Variants in HNRNPDL observed in about 807,000 individuals in gnomAD.
HNRNPDL encodes heterogeneous nuclear ribonucleoprotein D like, also known as heterogeneous nuclear ribonucleoprotein D-like.
HNRNPDL carries 18 observed loss-of-function variants against 48.0 expected under a neutral mutation model. That is an observed-to-expected ratio of 0.38 (90% CI 0.26 to 0.56). The LOEUF is 0.56. Among genes scored for constraint, HNRNPDL ranks in the 20% least tolerant of loss-of-function variants. The pLI is 0.77. For synonymous variants in HNRNPDL, 306 were observed against 207.3 expected (o/e 1.48, Z -4.09); for missense variants, 553 against 540.7 (o/e 1.02, Z -0.23).
chr4:82,429,247 C>T lies in HNRNPDL; in HGVS notation c.443+1G>A. 6.2e-7 allele frequency: 1 copy of T among 1,612,930 alleles called. No homozygotes were observed. Among genetic ancestry groups the T allele is most frequent in the Non-Finnish European group, 8.5e-7 (1 of 1,179,622 alleles). On this transcript the variant is annotated splice_donor_variant, in intron 1 of 7. Coordinates refer to ENST00000295470, the MANE Select transcript of HNRNPDL (RefSeq NM_031372.4). LOFTEE classifies it high-confidence loss of function. Reference sequence around the variant, plus strand: ...GGAGCGGGGGAAGAAGCGTGCGGTACCCGTCATCCTGCTGATTCTTGCTCG... The same window carrying T: ...GGAGCGGGGGAAGAAGCGTGCGGTATCCGTCATCCTGCTGATTCTTGCTCG...
chr4:82,423,796 T>TAA lies in HNRNPDL; in HGVS notation c.*1109_*1110insTT, dbSNP rs1217777068. The stretch of plus-strand genomic sequence containing the variant: ...TGACTCAGTCACATTTGTAATGACT[T>TAA]AGTCACATTTGTAATGACTTTGTCA... On this transcript the variant is annotated 3_prime_UTR_variant, in exon 8 of 8. Coordinates refer to ENST00000295470, the MANE Select transcript of HNRNPDL (RefSeq NM_031372.4). 3 of 140,294 alleles carry TAA rather than the reference T, an allele frequency of 2.1e-5. No individual in the cohort carries two copies. The highest frequency in any genetic ancestry group is 4.8e-5 in the Non-Finnish European group (3 of 62,416). The allele number at this position is 140,294 out of a possible 1,614,324, so 8.7% of individuals were successfully genotyped here.
intron 1 of HNRNPDL, 122 bp downstream of exon 1, chr4:82,429,126 G>A (rs1268912338): frequency 3.7e-5 from 33 of 885,184 alleles, no homozygotes; most frequent in African/African-American, 8.2e-5. Flanking sequence ...ATCTAGTGGG[G>A]CCCAGAAGGC....
At position 82,429,430 on chromosome 4, in the gene HNRNPDL, G is replaced by C; in HGVS notation, c.261C>G (p.Arg87=). 1.2e-6 allele frequency: 2 copies of C among 1,612,356 alleles called. No individual in the cohort carries two copies. Among genetic ancestry groups the C allele is most frequent in the East Asian group, 2.2e-5 (1 of 44,670 alleles). ...GGRRRRPDLF[R]RHFKSSSIQR... ...GTATGGAGCTGGATTTAAAATGGCG[G>C]CGGAAGAGATCCGGGCGCCGCCTGC... Residue 87 remains arginine (R), a synonymous_variant, in exon 1 of 8, where the codon CGC becomes CGG. Transcript: ENST00000295470.
Position 82,423,260 on chromosome 4 carries a change from A to G in HNRNPDL, c.*1646T>C, listed in dbSNP as rs1721263666. ...TTGATCAGGGAAAAGGACAATCTCAATGTCAACTCGTCACCTAATCATAAA... is the reference window on the plus strand; with the variant it reads ...TTGATCAGGGAAAAGGACAATCTCAGTGTCAACTCGTCACCTAATCATAAA... On this transcript the variant is annotated 3_prime_UTR_variant, in exon 8 of 8. Coordinates refer to ENST00000295470, the MANE Select transcript of HNRNPDL (RefSeq NM_031372.4). 6.6e-6 allele frequency: 1 copy of G among 152,312 alleles called. No homozygotes were observed. The highest frequency in any genetic ancestry group is 2.1e-4 in the South Asian group (1 of 4,822). The allele number at this position is 152,312 out of a possible 1,614,324, so 9.4% of individuals were successfully genotyped here.
intron 1 of HNRNPDL, 136 bp from the exon 2 acceptor site, chr4:82,428,582 CTA>C (rs1721518501): frequency 1.1e-5 from 8 of 717,038 alleles, no homozygotes; most frequent in Non-Finnish European, 1.3e-5. Context: ...TACATTTAAT[CTA>C]TGTCACACAA....
chr4:82,429,478 G>A lies in HNRNPDL; in HGVS notation c.213C>T (p.Gly71=). ...TGCGCCCTCCCTTTATAGCCGCCCCGCCCGCCAATCGGGAGGGCTGCTGGG... is the reference window on the plus strand; with the variant it reads ...TGCGCCCTCCCTTTATAGCCGCCCCACCCGCCAATCGGGAGGGCTGCTGGG... The part of the protein sequence containing the change: ...VTAQQPSRLA[G]GAAIKGGRRR... Residue 71 remains glycine, a synonymous_variant, in exon 1 of 8, where the codon GGC becomes GGT. Transcript: ENST00000295470. 6.3e-7 allele frequency: 1 copy of A among 1,576,850 alleles called. No homozygotes were observed. Among genetic ancestry groups the A allele is most frequent in the Non-Finnish European group, 8.6e-7 (1 of 1,161,522 alleles).
Position 82,428,371 on chromosome 4 carries a change from T to C in HNRNPDL, c.519A>G (p.Glu173=). The C allele has an allele frequency of 6.2e-7, 1 of 1,613,778 alleles. No homozygotes were observed. ...DLTEYLSRFG[E]VVDCTIKTDP... ...CTGTTTTAATTGTGCAGTCTACAACTTCCCCAAATCGAGACAAGTACTCTG... is the reference window on the plus strand; with the variant it reads ...CTGTTTTAATTGTGCAGTCTACAACCTCCCCAAATCGAGACAAGTACTCTG... The change falls in exon 2 of 8, where the codon GAA becomes GAG. Residue 173 remains glutamate (E), a synonymous_variant. Transcript: ENST00000295470.
chr4:82,425,837 C>T (rs1721384233), intron 7 of HNRNPDL, 200 bp downstream of exon 7: 1 of 510,936 alleles, frequency 2.0e-6, no homozygotes, highest in Non-Finnish European at 3.5e-6. Context: ...AGTTTTTCTG[C>T]AATACTAAAG....
At chr4:82,425,886 A>C (rs1203220741) in intron 7 of HNRNPDL, 151 bp downstream of exon 7, 6 of 591,062 alleles carry the variant, frequency 1.0e-5, no homozygotes, top group Non-Finnish European at 1.8e-5. Flanking sequence ...ATCTATAGAC[A>C]CTTTAGGCAA....
chr4:82,429,400 G>C lies in HNRNPDL; in HGVS notation c.291C>G (p.Arg97=). ...GGGTCGCGGCAGCAGCGGCGGCGGA[G>C]CGTTGTATGGAGCTGGATTTAAAAT... The part of the protein sequence containing the change: ...RRHFKSSSIQ[R]SAAAAAATRT... Residue 97 remains arginine (R), a synonymous_variant, in exon 1 of 8, where the codon CGC becomes CGG. Coordinates refer to ENST00000295470, the MANE Select transcript of HNRNPDL (RefSeq NM_031372.4). The C allele has an allele frequency of 6.2e-7, 1 of 1,613,424 alleles. No individual in the cohort carries two copies. The highest frequency in any genetic ancestry group is 8.5e-7 in the Non-Finnish European group (1 of 1,179,810).
At position 82,429,434 on chromosome 4, in the gene HNRNPDL, AAG is replaced by A. The variant is rs2110031374; in HGVS notation, c.255_256del (p.Phe86ProfsTer5). 3.7e-6 allele frequency: 6 copies of A among 1,611,540 alleles called. No homozygotes were observed. The highest frequency in any genetic ancestry group is 5.1e-6 in the Non-Finnish European group (6 of 1,179,162). ...GGAGCTGGATTTAAAATGGCGGCGG[AAG>A]AGATCCGGGCGCCGCCTGCGCCCTC... On this transcript the variant is annotated frameshift_variant, in exon 1 of 8. Coordinates refer to ENST00000295470, the MANE Select transcript of HNRNPDL (RefSeq NM_031372.4). LOFTEE classifies it high-confidence loss of function.
intron 7 of HNRNPDL, 111 bp downstream of exon 7, chr4:82,425,923 TCAA>T: frequency 1.4e-6 from 1 of 694,992 alleles, no homozygotes; most frequent in South Asian, 1.9e-5. Flanking sequence ...AATTAAAAAA[TCAA>T]CAATTTAGTA....
chr4:82,428,280 T>C lies in HNRNPDL; in HGVS notation c.610A>G (p.Lys204Glu). 6.2e-7 allele frequency: 1 copy of C among 1,611,960 alleles called. No homozygotes were observed. The highest frequency in any genetic ancestry group is 8.5e-7 in the Non-Finnish European group (1 of 1,178,472). ...ACAATGCAAAACATAGTTCCTACCT[T>C]ATCAACACTAGCAGCATCTTTGAAA... ...VLFKDAASVDKVLELKEHKLD... is the reference protein window; with the variant it reads ...VLFKDAASVDEVLELKEHKLD... The change falls in exon 2 of 8, where the codon AAG becomes GAG. Residue 204 changes from lysine to glutamate, a missense_variant and splice_region_variant. Transcript: ENST00000295470.
chr4:82,429,157 GAA>G, intron 1 of HNRNPDL, 89 bp downstream of exon 1: 1 of 1,231,322 alleles, frequency 8.1e-7, no homozygotes, highest in Non-Finnish European at 1.2e-6. Context: ...TCGACTCTGA[GAA>G]AGAATGGGGG....
chr4:82,426,239 G>A, intron 6 of HNRNPDL, 110 bp from the exon 7 acceptor site: 4 of 1,082,316 alleles, frequency 3.7e-6, no homozygotes, highest in South Asian at 2.5e-5. Context: ...AAAGTATTAA[G>A]ATATTTTAGC....
rs1008922535 is a variant in HNRNPDL, at chr4:82,429,804, G to T, written c.-114C>A. ...GTAAATTCCTGGGGTCAGCAGTCCC[G>T]AGCAGAGCCGACGCAGGGCCACAGT... On this transcript the variant is annotated 5_prime_UTR_variant, in exon 1 of 8. Transcript: ENST00000295470. The T allele has an allele frequency of 2.7e-6, 2 of 730,202 alleles. No individual in the cohort carries two copies. Among genetic ancestry groups the T allele is most frequent in the Non-Finnish European group, 1.9e-6 (1 of 514,720 alleles). The allele number at this position is 730,202 out of a possible 1,614,324, so 45.2% of individuals were successfully genotyped here.
Position 82,429,620 on chromosome 4 carries a change from G to T in HNRNPDL, c.71C>A (p.Ser24Tyr), listed in dbSNP as rs773982449. The change falls in exon 1 of 8, where the codon TCC becomes TAC. Residue 24 changes from serine to tyrosine, a missense_variant. By Grantham distance (144) the Ser-to-Tyr change is moderately radical. Transcript: ENST00000295470. ...CGGCCGCCAATGGGAGAGGCTGCGG[G>T]AGGCTAAAGTAGCGGGAGCGGAGGG... Reference protein sequence around the residue: ...LFPSAPATLASRSLSHWRPRP... With the variant: ...LFPSAPATLAYRSLSHWRPRP... 3 of 1,381,202 alleles carry T rather than the reference G, an allele frequency of 2.2e-6. No individual in the cohort carries two copies. In the African/African-American group the frequency reaches 4.6e-5, roughly 21 times the overall value. 85.6% of individuals were successfully genotyped at this position (1,381,202 alleles called of 1,614,324 possible).
rs1001839263 is a variant in HNRNPDL at position 82,429,367 on chromosome 4, C to T, written c.324G>A (p.Ala108=). Residue 108 remains alanine, a synonymous_variant, in exon 1 of 8, where the codon GCG becomes GCA. Transcript: ENST00000295470. ...AGCTGTCGGCAGGGGGGTGCTGGCG[C>T]GCAGTCCGGGTCGCGGCAGCAGCGG... ...SAAAAAATRT[A]RQHPPADSSV... The T allele has an allele frequency of 2.6e-5, 42 of 1,613,466 alleles. No individual in the cohort carries two copies. The highest frequency in any genetic ancestry group is 3.1e-5 in the Non-Finnish European group (37 of 1,179,846).
rs75269398 is a variant in HNRNPDL at position 82,428,204 on chromosome 4, G to A, written c.613-25C>T. On this transcript the variant is annotated intron_variant, in intron 2 of 7. Coordinates refer to ENST00000295470, the MANE Select transcript of HNRNPDL (RefSeq NM_031372.4). ...CCTACAAGACAGATTTATTTAATCT[G>A]ACAGCACCATATAACCCCCAGAAAA... The A allele has an allele frequency of 7.3e-3, 11,727 of 1,611,930 alleles. 763 individuals carry two copies. In the African/African-American group the frequency reaches 0.14, roughly 19 times the overall value.
Sources: allele counts gnomAD v4.1 joint callset, GRCh38; gene constraint gnomAD v4.1.1; transcripts MANE v1.5; gene names NCBI Gene and HGNC (gene_info 2026-07-23, HGNC 2026-07-21).